The following USO1 variants were observed in gnomAD, a reference collection of about 807,000 sequenced individuals.
USO1 encodes the protein general vesicular transport factor p115.
In USO1, 57 loss-of-function variants were observed where a neutral mutation model predicts 124.5. That is an observed-to-expected ratio of 0.46 (90% CI 0.37 to 0.57). The LOEUF is 0.57. Ranked by LOEUF, USO1 falls within the 20% of genes least tolerant of loss-of-function variation. The pLI, the probability that USO1 is intolerant of heterozygous loss-of-function variation, is 0.00. For synonymous variants in USO1, 369 were observed against 362.8 expected (o/e 1.02, Z -0.19); for missense variants, 900 against 1,040.6 (o/e 0.86, Z 1.86).
intron 12 of USO1, 68 bp downstream of exon 12, chr4:75,790,865 C>A: frequency 7.1e-7 from 1 of 1,410,724 alleles, no homozygotes; most frequent in South Asian, 1.7e-5. Flanking sequence ...TTAATTGATT[C>A]TTTCTTTTTA....
intron 9 of USO1, among the ~76,000 whole-genome samples, chr4:75,783,878 A>G (rs1722289895): frequency 6.6e-6 from 1 of 151,336 alleles, no homozygotes; most frequent in Non-Finnish European, 1.5e-5. Context: ...GAACTTAGTT[A>G]CAGAGTCTAT....
chr4:75,811,765 G>A (rs1723157479), intron 22 of USO1, among the ~76,000 whole-genome samples: 1 of 152,074 alleles, frequency 6.6e-6, no homozygotes. Flanking sequence ...GCTTGAAGTT[G>A]GGATAAAAAA....
At chr4:75,759,741 T>G (rs1721549563) in intron 4 of USO1, among the ~76,000 whole-genome samples, 1 of 150,592 alleles carries the variant, frequency 6.6e-6, no homozygotes, top group Non-Finnish European at 1.5e-5. Context: ...AAACCCCGTC[T>G]CTACTAAAAA....
At chr4:75,741,457 T>C (rs1268651571) in intron 1 of USO1, among the ~76,000 whole-genome samples, 1 of 152,176 alleles carries the variant, frequency 6.6e-6, no homozygotes, top group East Asian at 1.9e-4. Flanking sequence ...TTACTATAAC[T>C]TTTTAACTTC....
intron 3 of USO1, among the ~76,000 whole-genome samples, chr4:75,757,195 C>T (rs1047883320): frequency 1.3e-5 from 2 of 151,940 alleles, no homozygotes; most frequent in Non-Finnish European, 2.9e-5. Context: ...AAATATTCTT[C>T]GGAAATACAT....
chr4:75,787,178 G>T lies in USO1; in HGVS notation c.972G>T (p.Gly324=), dbSNP rs763284916. 6.4e-7 allele frequency: 1 copy of T among 1,557,326 alleles called. No homozygotes were observed. The highest frequency in any genetic ancestry group is 1.2e-5 in the South Asian group (1 of 82,350). The change falls in exon 10 of 24, where the codon GGG becomes GGT. Residue 324 remains glycine, a synonymous_variant. Coordinates refer to ENST00000514213, the MANE Select transcript of USO1 (RefSeq NM_003715.4). ...QQLCTILMAT[G]VPADILTETI... is the part of the protein sequence containing the mutation. ...TTTGTACTATCCTAATGGCTACTGG[G>T]GTTCCTGCTGATATCCTGACTGAGG...
chr4:75,797,540 A>G (rs1577968879), intron 13 of USO1, among the ~76,000 whole-genome samples: 1 of 102,036 alleles, frequency 9.8e-6, no homozygotes, highest in Non-Finnish European at 2.0e-5. Flanking sequence ...CTTCAGAATC[A>G]TGTTGTTTTG....
intron 3 of USO1, 150 bp from the exon 4 acceptor site, chr4:75,757,347 C>A: frequency 3.4e-6 from 2 of 595,980 alleles, no homozygotes; most frequent in South Asian, 4.7e-5. Context: ...AGAAATAAAA[C>A]TACACATTTT....
rs1577963734 is a variant in USO1 at position 75,790,042 on chromosome 4, T to C, written c.997-108T>C. Reference sequence around the variant, plus strand: ...TGCACATGTACCCTAAAACTTAAAGTATAATAAAAAAAAAAACAAAAAAAA... The same window carrying C: ...TGCACATGTACCCTAAAACTTAAAGCATAATAAAAAAAAAAACAAAAAAAA... On this transcript the variant is annotated intron_variant, in intron 10 of 23. Coordinates refer to ENST00000514213, the MANE Select transcript of USO1 (RefSeq NM_003715.4). 3 of 1,196,742 alleles carry C rather than the reference T, an allele frequency of 2.5e-6. No homozygotes were observed. The East Asian group carries it at 8.6e-5, about 34-fold the overall frequency. The allele number at this position is 1,196,742 out of a possible 1,614,324, so 74.1% of individuals were successfully genotyped here. A position where few individuals can be genotyped will look rare whatever the true frequency, so the allele number is the denominator to read the frequency against.
intron 8 of USO1, among the ~76,000 whole-genome samples, chr4:75,781,834 G>C (rs764882125): frequency 1.3e-5 from 2 of 152,168 alleles, no homozygotes; most frequent in Non-Finnish European, 2.9e-5. Flanking sequence ...TACCAGATGA[G>C]CTTACTTGTC....
intron 8 of USO1, 82 bp downstream of exon 8, chr4:75,774,878 G>A: frequency 6.8e-7 from 1 of 1,460,628 alleles, no homozygotes; most frequent in African/African-American, 1.4e-5. Flanking sequence ...GTTGGAGGGA[G>A]AAATGGGGAC....
intron 22 of USO1, among the ~76,000 whole-genome samples, chr4:75,811,288 TG>T (rs1428405370): frequency 6.6e-6 from 1 of 152,144 alleles, no homozygotes; most frequent in Non-Finnish European, 1.5e-5. Context: ...CCTGAGTAGC[TG>T]GGATTTCAGG....
At chr4:75,812,925 A>G (rs1358364085) in intron 23 of USO1, among the ~76,000 whole-genome samples, 2 of 152,160 alleles carry the variant, frequency 1.3e-5, no homozygotes, top group Non-Finnish European at 2.9e-5. Flanking sequence ...AGCCTGGCCA[A>G]CATGGTGAAA....
Position 75,771,138 on chromosome 4 carries a change from G to T in USO1, c.555+1G>T. On this transcript the variant is annotated splice_donor_variant, in intron 7 of 23. Transcript: ENST00000514213. LOFTEE classifies it high-confidence loss of function. ...TTCCAGGGAAGTTATACGTAATGATGTAAGTTAAATTTCAAAAAGAAATAC... is the reference window on the plus strand; with the variant it reads ...TTCCAGGGAAGTTATACGTAATGATTTAAGTTAAATTTCAAAAAGAAATAC... The T allele has an allele frequency of 6.2e-7, 1 of 1,602,192 alleles. No individual in the cohort carries two copies. The highest frequency in any genetic ancestry group is 8.5e-7 in the Non-Finnish European group (1 of 1,176,198).
intron 4 of USO1, among the ~76,000 whole-genome samples, chr4:75,766,537 C>T (rs1292284050): frequency 5.9e-5 from 9 of 152,074 alleles, no homozygotes; most frequent in Admixed American, 2.0e-4. Flanking sequence ...TTAAACTGCA[C>T]GAGGAGGTCA....
chr4:75,740,364 T>G (rs1321086395), intron 1 of USO1, among the ~76,000 whole-genome samples: 1 of 152,178 alleles, frequency 6.6e-6, no homozygotes, highest in Admixed American at 6.5e-5. Context: ...TGTGGCTCAC[T>G]GCAGTCTCAA....
intron 1 of USO1, among the ~76,000 whole-genome samples, chr4:75,743,934 G>A (rs1052300102): frequency 2.0e-5 from 3 of 152,078 alleles, no homozygotes; most frequent in African/African-American, 4.8e-5. Context: ...CCGCCACCAC[G>A]GCCGGCTAAT....
intron 1 of USO1, among the ~76,000 whole-genome samples, chr4:75,728,569 C>T (rs1007073152): frequency 6.6e-5 from 10 of 152,078 alleles, no homozygotes; most frequent in Non-Finnish European, 1.3e-4. Context: ...AGAATCGAGG[C>T]GGTGGTTGGC....
intron 1 of USO1, among the ~76,000 whole-genome samples, chr4:75,736,960 C>T (rs560578521): frequency 1.3e-5 from 2 of 152,006 alleles, no homozygotes; most frequent in Admixed American, 1.3e-4. Context: ...ATTCAAAGTC[C>T]AGTTGGGGAG....
Sources: allele counts gnomAD v4.1 joint callset (sites outside exome capture counted in the v4.1 genomes callset), GRCh38; gene constraint gnomAD v4.1.1; transcripts MANE v1.5; gene names NCBI Gene and HGNC (gene_info 2026-07-23, HGNC 2026-07-21).